CCNYL1: variants seen among roughly 807,000 people sequenced by gnomAD.
CCNYL1 encodes the protein cyclin-Y-like protein 1.
CCNYL1 carries 16 observed loss-of-function variants against 44.2 expected under a neutral mutation model. The ratio of observed to expected loss-of-function variants is 0.36; its 90% confidence interval spans 0.25 to 0.55. The LOEUF (loss-of-function observed/expected upper bound fraction) is 0.55, where lower values mean the gene tolerates loss of function less well. Ranked by LOEUF, CCNYL1 falls within the 20% of genes least tolerant of loss-of-function variation. The pLI is 0.85. For synonymous variants in CCNYL1, 159 were observed against 163.2 expected, an observed-to-expected ratio of 0.97 and a Z score of 0.20; for missense variants, 348 against 451.8, an observed-to-expected ratio of 0.77 and a Z score of 2.08.
At chr2:207,737,358 C>A in intron 4 of CCNYL1, 53 bp from the exon 5 acceptor site, 2 of 1,365,600 alleles carry the variant, frequency 1.5e-6, no homozygotes, top group African/African-American at 1.4e-5. Context: ...TGTCTTCAGG[C>A]CTAACAAATG....
intron 5 of CCNYL1, among the ~76,000 whole-genome samples, chr2:207,739,816 A>G (rs2091794629): frequency 6.6e-6 from 1 of 152,224 alleles, no homozygotes; most frequent in African/African-American, 2.4e-5. Flanking sequence ...GAGTAGCATA[A>G]CTTCTAGTAT....
chr2:207,728,958 G>A (rs1303574455), intron 3 of CCNYL1, among the ~76,000 whole-genome samples: 1 of 151,996 alleles, frequency 6.6e-6, no homozygotes, highest in African/African-American at 2.4e-5. Flanking sequence ...CACCAAGCCT[G>A]ACTAATTTTT....
rs372198238 is a variant in CCNYL1, at chr2:207,712,062, G to A, written c.166G>A (p.Gly56Arg). Residue 56 changes from glycine to arginine, a missense_variant, in exon 1 of 10, where the codon GGA (glycine) becomes AGA (arginine). Physicochemically the swap from Gly to Arg is moderately radical, Grantham distance 125. Transcript: ENST00000295414. ...GGTGGAGCCTGCCGAGTTGGATTTCGGAGAGGGCGAGGGCCACCACCTGCA... is the reference window on the plus strand; with the variant it reads ...GGTGGAGCCTGCCGAGTTGGATTTCAGAGAGGGCGAGGGCCACCACCTGCA... Reference protein sequence around the residue: ...AVVEPAELDFGEGEGHHLQHI... With the variant: ...AVVEPAELDFREGEGHHLQHI... 1.4e-5 allele frequency: 22 copies of A among 1,563,116 alleles called. No homozygotes were observed. Among genetic ancestry groups the A allele is most frequent in the Middle Eastern group, 2.3e-4 (1 of 4,302 alleles).
At chr2:207,712,219 G>A (rs758172966) in intron 1 of CCNYL1, 103 bp downstream of exon 1, 152 of 949,630 alleles carry the variant, frequency 1.6e-4, no homozygotes, top group Non-Finnish European at 2.0e-4. Context: ...CCTTCCTGCC[G>A]GTAGCCGGCC....
chr2:207,729,601 A>G (rs1226655679), intron 3 of CCNYL1, among the ~76,000 whole-genome samples: 1 of 152,096 alleles, frequency 6.6e-6, no homozygotes, highest in Non-Finnish European at 1.5e-5. Context: ...AGAAGACCTC[A>G]GTCTGTTATC....
Position 207,746,899 on chromosome 2 carries a change from C to G in CCNYL1, c.640-148C>G, listed in dbSNP as rs188467514. ...GCCGAGGCAGGAGAATCACTTGAACCTGGGAGGCGGAGGTTCTGTGAGCCG... is the reference window on the plus strand; with the variant it reads ...GCCGAGGCAGGAGAATCACTTGAACGTGGGAGGCGGAGGTTCTGTGAGCCG... On this transcript the variant is annotated intron_variant, in intron 7 of 9. Transcript: ENST00000295414. 5.4e-3 allele frequency: 3,119 copies of G among 572,518 alleles called. 12 individuals carry two copies. The highest frequency in any genetic ancestry group is 7.9e-3 in the South Asian group (323 of 41,096). The allele number at this position is 572,518 out of a possible 1,614,324, so 35.5% of individuals were successfully genotyped here. A position where few individuals can be genotyped will look rare whatever the true frequency, so the allele number is the denominator to read the frequency against.
chr2:207,737,555 C>A, intron 5 of CCNYL1, 109 bp downstream of exon 5: 1 of 788,460 alleles, frequency 1.3e-6, no homozygotes, highest in Non-Finnish European at 2.0e-6. Context: ...ATTGCTATTA[C>A]AGTATTGAAC....
intron 1 of CCNYL1, chr2:207,714,310 CTCTTT>C: frequency 2.8e-6 from 1 of 363,550 alleles, no homozygotes; most frequent in South Asian, 2.0e-5. Flanking sequence ...ACACTTACAT[CTCTTT>C]TTTTTTTTTT....
intron 7 of CCNYL1, among the ~76,000 whole-genome samples, chr2:207,744,398 G>T (rs1239539379): frequency 2.6e-5 from 4 of 151,968 alleles, no homozygotes; most frequent in African/African-American, 9.7e-5. Flanking sequence ...GCGGAGTCTT[G>T]CTATGTCACC....
chr2:207,715,383 T>TTC (rs1441665556), intron 1 of CCNYL1, among the ~76,000 whole-genome samples: 2 of 142,384 alleles, frequency 1.4e-5, no homozygotes, highest in African/African-American at 2.6e-5. Context: ...CTATTTCTTT[T>TTC]TTTTTTTTTT....
At chr2:207,743,251 G>A (rs1213517831) in intron 7 of CCNYL1, among the ~76,000 whole-genome samples, 2 of 152,216 alleles carry the variant, frequency 1.3e-5, no homozygotes, top group African/African-American at 2.4e-5. Flanking sequence ...GCTTCCAGAT[G>A]TAGAGAGACA....
Position 207,723,494 on chromosome 2 carries a change from T to C in CCNYL1, c.221-1306T>C, listed in dbSNP as rs553807697. On this transcript the variant is annotated intron_variant, in intron 1 of 9. Transcript: ENST00000295414. ...TTTAAAAGTAGAGCAATTATATTAA[T>C]ATGTAGTTTTGGGAAATATCGCCTT... Among the ~76,000 whole-genome samples the C allele has an allele frequency of 2.0e-5, 3 of 152,268 alleles. No homozygotes were observed. The South Asian group carries it at 6.2e-4, about 32-fold the overall frequency.
chr2:207,746,663 T>C (rs4675707), intron 7 of CCNYL1, among the ~76,000 whole-genome samples: 60,811 of 152,158 alleles, frequency 0.4, 13,666 homozygotes, highest in Non-Finnish European at 0.5. Context: ...ACAAAAGAAA[T>C]TTGTCAGTCA....
Position 207,726,088 on chromosome 2 carries a change from G to A in CCNYL1, c.296-754G>A, listed in dbSNP as rs1367319812. 3.3e-5 allele frequency among the ~76,000 whole-genome samples: 5 copies of A among 152,276 alleles called. No individual in the cohort carries two copies. The South Asian group carries it at 1.0e-3, about 32-fold the overall frequency. On this transcript the variant is annotated intron_variant, in intron 2 of 9. Coordinates refer to ENST00000295414, the MANE Select transcript of CCNYL1 (RefSeq NM_001330218.2). Reference sequence around the variant, plus strand: ...CTCACACAGACAGAGTGTGGAAGCAGTAAAAGAAGAGCTATCCCATGCTCC... The same window carrying A: ...CTCACACAGACAGAGTGTGGAAGCAATAAAAGAAGAGCTATCCCATGCTCC...
At chr2:207,735,882 AAC>A (rs2091761447) in intron 4 of CCNYL1, among the ~76,000 whole-genome samples, 1 of 152,146 alleles carries the variant, frequency 6.6e-6, no homozygotes, top group African/African-American at 2.4e-5. Context: ...AACAAAACAA[AAC>A]ACACAAAAAG....
At chr2:207,737,693 T>TAA (rs201520434) in intron 5 of CCNYL1, among the ~76,000 whole-genome samples, 4 of 146,730 alleles carry the variant, frequency 2.7e-5, no homozygotes, top group East Asian at 2.0e-4. Context: ...GTTGAGAATT[T>TAA]AAAAAAAAAA....
intron 9 of CCNYL1, among the ~76,000 whole-genome samples, chr2:207,752,775 C>G (rs2091903040): frequency 6.6e-6 from 1 of 151,224 alleles, no homozygotes; most frequent in Admixed American, 6.6e-5. Context: ...GCCTCAGAGG[C>G]TCATTCCTCC....
intron 7 of CCNYL1, among the ~76,000 whole-genome samples, chr2:207,746,684 T>C (rs2091857190): frequency 6.6e-6 from 1 of 152,248 alleles, no homozygotes; most frequent in Non-Finnish European, 1.5e-5. Flanking sequence ...TGAATTCTTA[T>C]CAAAGCATTT....
intron 5 of CCNYL1, among the ~76,000 whole-genome samples, chr2:207,738,154 A>G (rs1170650430): frequency 3.3e-5 from 5 of 152,168 alleles, no homozygotes; most frequent in Non-Finnish European, 5.9e-5. Flanking sequence ...ACGCAAATAT[A>G]TAGTTGGTAA....
Sources: allele counts gnomAD v4.1 joint callset (sites outside exome capture counted in the v4.1 genomes callset), GRCh38; gene constraint gnomAD v4.1.1; transcripts MANE v1.5; gene names NCBI Gene and HGNC (gene_info 2026-07-23, HGNC 2026-07-21).